The following SEC24A variants were observed in gnomAD, a reference collection of about 807,000 sequenced individuals.
SEC24A encodes protein transport protein Sec24A.
In SEC24A, 93 loss-of-function variants were observed where a neutral mutation model predicts 129.4. That is an observed-to-expected ratio of 0.72 (90% CI 0.61 to 0.85). The LOEUF is 0.85. SEC24A is among the 40% of genes least tolerant of loss of function. The pLI is 0.00. For synonymous variants in SEC24A, 460 were observed against 467.3 expected (o/e 0.98, Z 0.20); for missense variants, 1,264 against 1,307.4 (o/e 0.97, Z 0.51).
chr5:134,720,139 C>G (rs1164291726), intron 20 of SEC24A, among the ~76,000 whole-genome samples: 1 of 152,164 alleles, frequency 6.6e-6, no homozygotes, highest in Non-Finnish European at 1.5e-5. Flanking sequence ...CCTTTACATT[C>G]ACTCATCACT....
chr5:134,674,309 C>T (rs1750975114), intron 4 of SEC24A, among the ~76,000 whole-genome samples: 1 of 152,022 alleles, frequency 6.6e-6, no homozygotes, highest in African/African-American at 2.4e-5. Context: ...GCATTCTGGG[C>T]CAGGCATGGT....
In SEC24A at chr5:134,693,242, T is replaced by G. The variant is rs1751717545; in HGVS notation, c.1780-485T>G. On this transcript the variant is annotated intron_variant, in intron 12 of 22. Coordinates refer to ENST00000398844, the MANE Select transcript of SEC24A (RefSeq NM_021982.3). ...CTGTGCCATAGTGCGAAGTATTTTT[T>G]TCCCCATTAACTCTATTTGTACAAC... 4 of 1,470,484 alleles carry G rather than the reference T, an allele frequency of 2.7e-6. No homozygotes were observed. In the East Asian group the frequency reaches 1.0e-4, roughly 37 times the overall value. The allele number at this position is 1,470,484 out of a possible 1,614,324, so 91.1% of individuals were successfully genotyped here.
At chr5:134,711,561 ATCTTTTTTTT>A (rs1752325236) in intron 18 of SEC24A, among the ~76,000 whole-genome samples, 1 of 118,150 alleles carries the variant, frequency 8.5e-6, no homozygotes, top group East Asian at 2.6e-4. Flanking sequence ...ACTGCTCTGC[ATCTTTTTTTT>A]TTTTTTTTTT....
At chr5:134,698,564 C>T (rs1238471271) in intron 15 of SEC24A, among the ~76,000 whole-genome samples, 1 of 144,782 alleles carries the variant, frequency 6.9e-6, no homozygotes, top group Non-Finnish European at 1.5e-5. Context: ...GCAGAGATCA[C>T]ACCACTGCAC....
chr5:134,725,136 T>C lies in SEC24A; in HGVS notation c.*42T>C, dbSNP rs773723039. The C allele has an allele frequency of 1.1e-6, 1 of 950,586 alleles. No individual in the cohort carries two copies. The allele number at this position is 950,586 out of a possible 1,614,324, so 58.9% of individuals were successfully genotyped here. ...GACTTATTTTTAAGGAATGTCACGA[T>C]AGTGCAGAATACCTGGAAATGTGTA... On this transcript the variant is annotated 3_prime_UTR_variant, in exon 23 of 23. Transcript: ENST00000398844.
intron 7 of SEC24A, among the ~76,000 whole-genome samples, chr5:134,678,492 G>T (rs1471358918): frequency 3.3e-5 from 5 of 150,992 alleles, no homozygotes; most frequent in African/African-American, 1.2e-4. Flanking sequence ...ATGGGCTGTT[G>T]CTGTGTTGCT....
rs375080345 is a variant in SEC24A at position 134,666,894 on chromosome 5, C to T, written c.637C>T (p.Pro213Ser). Residue 213 changes from proline to serine, a missense_variant, in exon 3 of 23, where the codon CCT (proline) becomes TCT (serine). Transcript: ENST00000398844. The part of the protein sequence containing the change: ...TFQPGAPHGP[P>S]PAGGPPPVRA... The stretch of plus-strand genomic sequence containing the variant: ...TCAACCAGGAGCTCCTCATGGGCCC[C>T]CTCCAGCTGGAGGCCCACCCCCAGT... 1 of 1,613,928 alleles carries T rather than the reference C, an allele frequency of 6.2e-7. No homozygotes were observed.
chr5:134,694,354 C>T (rs759913172), intron 13 of SEC24A, among the ~76,000 whole-genome samples: 2 of 152,036 alleles, frequency 1.3e-5, no homozygotes, highest in Admixed American at 6.6e-5. Context: ...GGAGAAACCC[C>T]ATCTCTACTA....
chr5:134,708,952 T>C (rs756578161), intron 18 of SEC24A, 64 bp downstream of exon 18: 268 of 1,497,760 alleles, frequency 1.8e-4, no homozygotes, highest in Non-Finnish European at 2.1e-4. Flanking sequence ...ACACCTGCAA[T>C]CCCAGCACTT....
At position 134,676,438 on chromosome 5, in the gene SEC24A, C is replaced by CTTTTT. The variant is rs34581398; in HGVS notation, c.1254+332_1254+336dup. On this transcript the variant is annotated intron_variant, in intron 7 of 22. Transcript: ENST00000398844. ...CAGGCGTGAGCCTCTGCGCCCGGCT[C>CTTTTT]TTTTTTTTTTTTTTTTTTTTTTTCT... Among the ~76,000 whole-genome samples, 24 of 84,196 alleles carry CTTTTT rather than the reference C, an allele frequency of 2.9e-4. 1 individual carries two copies. The highest frequency in any genetic ancestry group is 3.3e-4 in the Non-Finnish European group (15 of 45,472). The allele number at this position is 84,196 out of a possible 152,430, so 55.2% of individuals were successfully genotyped here. A position where few individuals can be genotyped will look rare whatever the true frequency, so the allele number is the denominator to read the frequency against.
intron 11 of SEC24A, among the ~76,000 whole-genome samples, chr5:134,690,871 G>C (rs963933965): frequency 6.6e-6 from 1 of 152,126 alleles, no homozygotes; most frequent in Non-Finnish European, 1.5e-5. Context: ...GTCTTGCTTT[G>C]TTGCCCAGGC....
At chr5:134,719,431 T>A (rs1561834962) in intron 20 of SEC24A, among the ~76,000 whole-genome samples, 1 of 145,642 alleles carries the variant, frequency 6.9e-6, no homozygotes, top group Non-Finnish European at 1.5e-5. Flanking sequence ...GTAGCTCACA[T>A]CTGTAATCCC....
Position 134,648,955 on chromosome 5 carries a change from C to T in SEC24A, c.-122C>T, listed in dbSNP as rs988241197. The T allele has an allele frequency of 3.1e-6, 2 of 654,494 alleles. No individual in the cohort carries two copies. Among genetic ancestry groups the T allele is most frequent in the African/African-American group, 1.9e-5 (1 of 53,710 alleles). 40.5% of individuals were successfully genotyped at this position (654,494 alleles called of 1,614,324 possible). A position where few individuals can be genotyped will look rare whatever the true frequency, so the allele number is the denominator to read the frequency against. On this transcript the variant is annotated 5_prime_UTR_variant, in exon 1 of 23. Coordinates refer to ENST00000398844, the MANE Select transcript of SEC24A (RefSeq NM_021982.3). ...TGCCTCGGGCTTAATGCGCCCCCCC[C>T]TCTTCTCCCAGTCTTCAGTCTTAAG...
intron 3 of SEC24A, among the ~76,000 whole-genome samples, chr5:134,669,949 G>A (rs1178924833): frequency 6.6e-6 from 1 of 151,624 alleles, no homozygotes; most frequent in Non-Finnish European, 1.5e-5. Context: ...CACTCTTGCT[G>A]AGGCTGGAGT....
chr5:134,705,070 T>TATATATATA (rs1561827960), intron 16 of SEC24A, among the ~76,000 whole-genome samples: 5 of 133,326 alleles, frequency 3.8e-5, no homozygotes, highest in African/African-American at 1.4e-4. Flanking sequence ...ATATTTATAT[T>TATATATATA]TATATATATA....
chr5:134,657,182 GCA>G lies in SEC24A; in HGVS notation c.98-3906_98-3905del, dbSNP rs70976550. Among the ~76,000 whole-genome samples the G allele has an allele frequency of 4.2e-3, 575 of 135,654 alleles. 1 individual carries two copies. The highest frequency in any genetic ancestry group is 0.015 in the South Asian group (62 of 4,104). The allele number at this position is 135,654 out of a possible 152,430, so 89.0% of individuals were successfully genotyped here. On this transcript the variant is annotated intron_variant, in intron 1 of 22. Coordinates refer to ENST00000398844, the MANE Select transcript of SEC24A (RefSeq NM_021982.3). ...GAGCGAGACCTCATTTCTGAAAAAC[GCA>G]CACACACACACACACACACACACAC...
rs375486509 is a variant in SEC24A at position 134,668,768 on chromosome 5, C to T, written c.739+1772C>T. ...CCAATTAGCCAGGAGTGGTGGTGGG[C>T]GCCTGTAATCCCAGCTACTCGGGAG... On this transcript the variant is annotated intron_variant, in intron 3 of 22. Coordinates refer to ENST00000398844, the MANE Select transcript of SEC24A (RefSeq NM_021982.3). 2.0e-4 allele frequency among the ~76,000 whole-genome samples: 30 copies of T among 151,120 alleles called. No individual in the cohort carries two copies. The South Asian group carries it at 2.1e-3, about 11-fold the overall frequency.
rs370231888 is a variant in SEC24A at position 134,679,362 on chromosome 5, AT to A, written c.1255-229del. ...TGTGAGCCACTGTCCCCAGCCAATA[AT>A]TTTTTTTTTTAAGACAACTTTTAAT... On this transcript the variant is annotated intron_variant, in intron 7 of 22. Coordinates refer to ENST00000398844, the MANE Select transcript of SEC24A (RefSeq NM_021982.3). Among the ~76,000 whole-genome samples the A allele has an allele frequency of 7.1e-4, 106 of 149,206 alleles. 1 individual carries two copies. Among genetic ancestry groups the A allele is most frequent in the African/African-American group, 2.1e-3 (86 of 40,882 alleles).
intron 13 of SEC24A, among the ~76,000 whole-genome samples, 171 bp downstream of exon 13, chr5:134,694,104 C>T (rs142864418): frequency 6.6e-6 from 1 of 152,288 alleles, no homozygotes; most frequent in Non-Finnish European, 1.5e-5. Context: ...CTACCTGATT[C>T]ACCCTTCCTT....
Sources: allele counts gnomAD v4.1 joint callset (sites outside exome capture counted in the v4.1 genomes callset), GRCh38; gene constraint gnomAD v4.1.1; transcripts MANE v1.5; gene names NCBI Gene and HGNC (gene_info 2026-07-23, HGNC 2026-07-21).